KANK1: variants seen among roughly 807,000 people sequenced by gnomAD.
The protein encoded by KANK1 is KN motif and ankyrin repeat domains 1, also known as KN motif and ankyrin repeat domain-containing protein 1.
In KANK1, 109 loss-of-function variants were observed where a neutral mutation model predicts 106.2. That is an observed-to-expected ratio of 1.03 (90% CI 0.88 to 1.20). The LOEUF is 1.20. Ranked by LOEUF, KANK1 falls within the 50% of genes most tolerant of loss-of-function variation. The probability of loss-of-function intolerance (pLI) is 0.00; values close to 1 mark genes in which losing one functional copy is unlikely to be tolerated. For synonymous variants in KANK1, 873 were observed against 652.2 expected (o/e 1.34, Z -5.16); for missense variants, 2,399 against 1,710.7 (o/e 1.40, Z -7.10).
At chr9:583,668 A>G (rs928380446) in intron 1 of KANK1, among the ~76,000 whole-genome samples, 16 of 150,600 alleles carry the variant, frequency 1.1e-4, no homozygotes, top group Admixed American at 8.6e-4. Flanking sequence ...TCAAGGATAT[A>G]TGGATTAATA....
At chr9:548,698 T>A (rs2255187) in intron 1 of KANK1, among the ~76,000 whole-genome samples, 142,860 of 152,276 alleles carry the variant, frequency 0.94, 67,071 homozygotes, top group East Asian at 1. Context: ...GTTAATTGCA[T>A]AGTTTCTCTG....
At chr9:632,384 T>C (rs1835948436) in intron 1 of KANK1, among the ~76,000 whole-genome samples, 1 of 152,338 alleles carries the variant, frequency 6.6e-6, no homozygotes, top group South Asian at 2.1e-4. Context: ...GGTTTAGTAA[T>C]TGTATTGTTA....
At chr9:485,531 C>T (rs2058276407) in intron 3 of KANK1, among the ~76,000 whole-genome samples, 2 of 152,118 alleles carry the variant, frequency 1.3e-5, no homozygotes, top group Non-Finnish European at 2.9e-5. Flanking sequence ...ATAATGATTA[C>T]AAGAGCCTGG....
intron 1 of KANK1, among the ~76,000 whole-genome samples, chr9:544,277 C>T (rs528086611): frequency 6.6e-5 from 10 of 152,126 alleles, no homozygotes; most frequent in Non-Finnish European, 1.2e-4. Flanking sequence ...CCCCACTTGG[C>T]CTCCCGAAGT....
intron 1 of KANK1, among the ~76,000 whole-genome samples, chr9:615,386 C>G (rs1372543140): frequency 6.6e-6 from 1 of 152,196 alleles, no homozygotes; most frequent in Admixed American, 6.5e-5. Flanking sequence ...TGCTAGAATT[C>G]CCTCTTTTTT....
chr9:674,130 A>G (rs1015464311), intron 1 of KANK1: 1 of 152,168 alleles, frequency 6.6e-6, no homozygotes, highest in Non-Finnish European at 1.5e-5. Flanking sequence ...GTGACTGTGC[A>G]CACAGAGGTT....
Position 603,141 on chromosome 9 carries a change from A to T in KANK1, c.-83-73749A>T, listed in dbSNP as rs375966224. Among the ~76,000 whole-genome samples the T allele has an allele frequency of 3.3e-5, 5 of 151,916 alleles. No homozygotes were observed. In the East Asian group the frequency reaches 9.6e-4, roughly 29 times the overall value. On this transcript the variant is annotated intron_variant, in intron 1 of 11. Coordinates refer to ENST00000382297, the MANE Select transcript of KANK1 (RefSeq NM_015158.5). ...ATTTATATCAGGATTTGAAAGATGA[A>T]TCTTTTTCAAGGATGTTTTTCCTCT...
In KANK1 at chr9:738,278, T is replaced by G; in HGVS notation, c.3334-7T>G. On this transcript the variant is annotated splice_region_variant and splice_polypyrimidine_tract_variant and intron_variant, in intron 7 of 11. Transcript: ENST00000382297. The stretch of plus-strand genomic sequence containing the variant: ...GAAGAACTAACGACCACTTGGTGTT[T>G]TGGCAGAGGTTCTGTCTGAACACCC... 1 of 1,608,146 alleles carries G rather than the reference T, an allele frequency of 6.2e-7. No individual in the cohort carries two copies. The highest frequency in any genetic ancestry group is 1.3e-5 in the African/African-American group (1 of 74,936).
At chr9:671,684 A>G (rs1454262612) in intron 1 of KANK1, among the ~76,000 whole-genome samples, 1 of 150,634 alleles carries the variant, frequency 6.6e-6, no homozygotes, top group East Asian at 2.0e-4. Flanking sequence ...TAAGTACTTC[A>G]GGCTCTTAAA....
At chr9:522,558 G>A (rs1463719546) in intron 1 of KANK1, among the ~76,000 whole-genome samples, 1 of 151,698 alleles carries the variant, frequency 6.6e-6, no homozygotes, top group Non-Finnish European at 1.5e-5. Flanking sequence ...TGAGGAAGGG[G>A]GTCCTGGTGT....
At chr9:584,600 G>T (rs117484760) in intron 1 of KANK1, among the ~76,000 whole-genome samples, 1 of 152,182 alleles carries the variant, frequency 6.6e-6, no homozygotes, top group African/African-American at 2.4e-5. Flanking sequence ...ACCTACAGCA[G>T]AAGAAGAATA....
At chr9:513,372 A>C (rs2059118636) in intron 1 of KANK1, among the ~76,000 whole-genome samples, 1 of 152,164 alleles carries the variant, frequency 6.6e-6, no homozygotes, top group Non-Finnish European at 1.5e-5. Context: ...GCAATCAGTT[A>C]ATTGGAAACA....
intron 2 of KANK1, chr9:686,805 C>T: frequency 5.1e-6 from 5 of 985,298 alleles, no homozygotes; most frequent in Non-Finnish European, 6.0e-6. Context: ...GCTGAGTGTT[C>T]TCTGAGGAAC....
chr9:643,543 A>ATTTTTTTTTTTTT (rs774468238), intron 1 of KANK1, among the ~76,000 whole-genome samples: 3 of 102,458 alleles, frequency 2.9e-5, no homozygotes, highest in African/African-American at 4.0e-5. Context: ...TTTCTTTTTG[A>ATTTTTTTTTTTTT]TTTTTTTTTT....
intron 2 of KANK1, among the ~76,000 whole-genome samples, chr9:687,288 T>C (rs1818800087): frequency 6.6e-6 from 1 of 152,174 alleles, no homozygotes; most frequent in South Asian, 2.1e-4. Flanking sequence ...GTTTTGTGTA[T>C]GTAAGGATGG....
intron 1 of KANK1, among the ~76,000 whole-genome samples, chr9:556,149 T>TA (rs1212799652): frequency 1.3e-5 from 2 of 152,230 alleles, no homozygotes; most frequent in East Asian, 1.9e-4. Context: ...AGAAGCATTT[T>TA]AAAAAATCTT....
chr9:506,282 G>A (rs981909528), intron 1 of KANK1, among the ~76,000 whole-genome samples: 1 of 152,160 alleles, frequency 6.6e-6, no homozygotes, highest in Non-Finnish European at 1.5e-5. Flanking sequence ...CTGTTACTAG[G>A]TTTGGGGAAA....
chr9:740,282 T>C (rs1190320291), intron 8 of KANK1, among the ~76,000 whole-genome samples: 2 of 152,230 alleles, frequency 1.3e-5, no homozygotes, highest in African/African-American at 4.8e-5. Flanking sequence ...ATGATTGGAA[T>C]TCTGCTTTTC....
intron 1 of KANK1, among the ~76,000 whole-genome samples, chr9:617,965 C>T (rs1002676459): frequency 1.3e-5 from 2 of 152,160 alleles, no homozygotes; most frequent in Non-Finnish European, 2.9e-5. Context: ...GAACCACTCT[C>T]TGGATGCCAC....
Sources: gnomAD v4.1 joint callset for allele counts (sites outside exome capture counted in the v4.1 genomes callset) on GRCh38, gnomAD v4.1.1 for gene constraint, MANE v1.5 for transcripts, NCBI Gene and HGNC (gene_info 2026-07-23, HGNC 2026-07-21) for gene names.